Variants in FEZ2 observed in about 807,000 individuals in gnomAD.
The protein encoded by FEZ2 is fasciculation and elongation protein zeta 2.
In FEZ2, 51 loss-of-function variants were observed where a neutral mutation model predicts 40.4. The observed-to-expected ratio is 1.26, with a 90% CI of 1.01 to 1.59. The LOEUF (loss-of-function observed/expected upper bound fraction) is 1.59. FEZ2 is among the 40% of genes most tolerant of loss of function. The pLI is 0.00. For missense variants in FEZ2, 640 were observed against 438.3 expected (o/e 1.46, Z -4.11); for synonymous variants, 242 against 172.0 (o/e 1.41, Z -3.18).
intron 5 of FEZ2, among the ~76,000 whole-genome samples, chr2:36,572,834 G>C (rs1000055876): frequency 2.0e-5 from 3 of 152,194 alleles, no homozygotes; most frequent in Non-Finnish European, 4.4e-5. Flanking sequence ...TATAACATGA[G>C]CTGAGTCACA....
intron 1 of FEZ2, 158 bp from the exon 2 acceptor site, chr2:36,591,169 T>C (rs146488090): frequency 1.8e-4 from 108 of 610,908 alleles, no homozygotes; most frequent in Admixed American, 1.4e-3. Context: ...TAGAGTCTCC[T>C]AAACAAAAAC....
chr2:36,588,145 C>G (rs1198889719), intron 2 of FEZ2, among the ~76,000 whole-genome samples: 2 of 152,118 alleles, frequency 1.3e-5, no homozygotes, highest in Admixed American at 1.3e-4. Flanking sequence ...TCTCCTGCCT[C>G]AGCCTCCCAA....
At chr2:36,578,176 C>G (rs1249450517) in intron 5 of FEZ2, among the ~76,000 whole-genome samples, 6 of 152,168 alleles carry the variant, frequency 3.9e-5, no homozygotes, top group African/African-American at 1.4e-4. Flanking sequence ...TCTGATACCT[C>G]TAAATAAACC....
At chr2:36,578,516 C>G in intron 5 of FEZ2, 81 bp downstream of exon 5, 1 of 1,450,882 alleles carries the variant, frequency 6.9e-7, no homozygotes, top group Non-Finnish European at 9.4e-7. Flanking sequence ...CAACCTGTCG[C>G]ACCTGCCACC....
intron 5 of FEZ2, among the ~76,000 whole-genome samples, chr2:36,571,923 G>C (rs1322964679): frequency 1.3e-5 from 2 of 149,422 alleles, no homozygotes; most frequent in African/African-American, 4.9e-5. Flanking sequence ...GCTGAGGCAG[G>C]AGAATCGCTG....
At chr2:36,566,573 C>T (rs1668246172) in intron 5 of FEZ2, among the ~76,000 whole-genome samples, 1 of 152,206 alleles carries the variant, frequency 6.6e-6, no homozygotes. Flanking sequence ...GACTGATAGT[C>T]AGTGACTTAA....
intron 2 of FEZ2, among the ~76,000 whole-genome samples, chr2:36,588,153 C>A (rs943288791): frequency 6.6e-6 from 1 of 152,076 alleles, no homozygotes; most frequent in Non-Finnish European, 1.5e-5. Flanking sequence ...CTCAGCCTCC[C>A]AAGTATCTGG....
At chr2:36,560,069 T>C (rs1158150982) in intron 5 of FEZ2, among the ~76,000 whole-genome samples, 1 of 152,228 alleles carries the variant, frequency 6.6e-6, no homozygotes, top group East Asian at 1.9e-4. Context: ...TAAAGACTTT[T>C]CTTTTTCAAG....
intron 1 of FEZ2, among the ~76,000 whole-genome samples, chr2:36,596,649 G>C (rs1040558297): frequency 1.3e-5 from 2 of 151,900 alleles, no homozygotes; most frequent in Admixed American, 1.3e-4. Context: ...TAATTTTTTT[G>C]TAAAGACCAG....
rs1218806320 is a variant in FEZ2, at chr2:36,598,151, G to A, written c.-9C>T. ...TCCCCGTCCGCCGCCATCGCCGCCC[G>A]GAGCAGTCGCGCGCCCCGCCCAGGC... On this transcript the variant is annotated 5_prime_UTR_variant, in exon 1 of 8. Coordinates refer to ENST00000405912, the MANE Select transcript of FEZ2 (RefSeq NM_005102.3). The A allele has an allele frequency of 6.9e-7, 1 of 1,457,556 alleles. No homozygotes were observed. The highest frequency in any genetic ancestry group is 9.0e-7 in the Non-Finnish European group (1 of 1,112,758). The allele number at this position is 1,457,556 out of a possible 1,614,324, so 90.3% of individuals were successfully genotyped here. A position where few individuals can be genotyped will look rare whatever the true frequency, so the allele number is the denominator to read the frequency against.
intron 2 of FEZ2, among the ~76,000 whole-genome samples, chr2:36,586,764 G>A (rs1418637253): frequency 1.3e-5 from 2 of 152,168 alleles, no homozygotes; most frequent in African/African-American, 4.8e-5. Context: ...AACACAGGAA[G>A]ACCTCGTCTC....
chr2:36,571,778 G>A (rs1668419165), intron 5 of FEZ2, among the ~76,000 whole-genome samples: 1 of 151,906 alleles, frequency 6.6e-6, no homozygotes, highest in South Asian at 2.1e-4. Flanking sequence ...GTCCAGGGCA[G>A]GTGGATCACC....
chr2:36,579,625 C>T (rs1668675314), intron 4 of FEZ2, among the ~76,000 whole-genome samples: 1 of 152,108 alleles, frequency 6.6e-6, no homozygotes, highest in Admixed American at 6.5e-5. Context: ...TGAGTAAAAG[C>T]TCCCTGAGGC....
At chr2:36,567,563 A>T (rs1668282218) in intron 5 of FEZ2, among the ~76,000 whole-genome samples, 1 of 152,182 alleles carries the variant, frequency 6.6e-6, no homozygotes, top group Non-Finnish European at 1.5e-5. Flanking sequence ...GGAGTTCGAG[A>T]CCAGCCTGGC....
At chr2:36,584,303 C>T (rs1035678720) in intron 2 of FEZ2, among the ~76,000 whole-genome samples, 6 of 152,212 alleles carry the variant, frequency 3.9e-5, no homozygotes, top group African/African-American at 1.4e-4. Context: ...ATGGTAATTT[C>T]TCCCTCTCCT....
intron 1 of FEZ2, chr2:36,591,584 T>G (rs1238550415): frequency 6.6e-6 from 1 of 152,540 alleles, no homozygotes; most frequent in Non-Finnish European, 1.5e-5. Context: ...GGATTTAATA[T>G]CTAATTTGTA....
rs776468858 is a variant in FEZ2, at chr2:36,553,186, GAA to G, written c.1046-9_1046-8del. On this transcript the variant is annotated splice_polypyrimidine_tract_variant and splice_region_variant and intron_variant, in intron 7 of 7. Coordinates refer to ENST00000405912, the MANE Select transcript of FEZ2 (RefSeq NM_005102.3). ...CTCTATGTAGGACACAGAACTAGAA[GAA>G]AAAGAGAACTTTTAGCTACAAATGT... 3.1e-5 allele frequency: 48 copies of G among 1,551,062 alleles called. No individual in the cohort carries two copies. In the Admixed American group the frequency reaches 5.4e-4, roughly 17 times the overall value.
At chr2:36,585,127 G>T (rs1330987050) in intron 2 of FEZ2, among the ~76,000 whole-genome samples, 2 of 152,160 alleles carry the variant, frequency 1.3e-5, no homozygotes, top group Admixed American at 6.5e-5. Context: ...ACATTAAAAG[G>T]ATCAGGAATC....
At position 36,590,936 on chromosome 2, in the gene FEZ2, C is replaced by G. The variant is rs1558459944; in HGVS notation, c.342G>C (p.Leu114Phe). The G allele has an allele frequency of 9.3e-6, 15 of 1,612,012 alleles. No homozygotes were observed. Among genetic ancestry groups the G allele is most frequent in the Non-Finnish European group, 1.3e-5 (15 of 1,178,028 alleles). ...CTGAGAGGTTCAGAGTAAGCAAGTG[C>G]AAGGTCCTAGTATGCGATGACTTCC... ...VDWKSSHTRT[L>F]HLLTLNLSEK... is the part of the protein sequence containing the mutation. The change falls in exon 2 of 8, where the codon TTG becomes TTC. Residue 114 changes from leucine to phenylalanine, a missense_variant. By Grantham distance (22) the Leu-to-Phe change is conservative. Coordinates refer to ENST00000405912, the MANE Select transcript of FEZ2 (RefSeq NM_005102.3).
Sources: allele counts gnomAD v4.1 joint callset (sites outside exome capture counted in the v4.1 genomes callset), GRCh38; gene constraint gnomAD v4.1.1; transcripts MANE v1.5; gene names NCBI Gene and HGNC (gene_info 2026-07-23, HGNC 2026-07-21).